HUWE1: variants seen among roughly 807,000 people sequenced by gnomAD.
HUWE1 encodes HECT, UBA and WWE domain containing E3 ubiquitin protein ligase 1.
A neutral mutation model predicts 299.4 loss-of-function variants in HUWE1; 18 were observed. The ratio of observed to expected loss-of-function variants is 0.06; its 90% CI spans 0.04 to 0.09. The LOEUF (loss-of-function observed/expected upper bound fraction) is 0.09, where lower values mean the gene tolerates loss of function less well. Ranked by LOEUF, HUWE1 falls within the 10% of genes least tolerant of loss-of-function variation. HUWE1 has a pLI of 1.00. For synonymous variants in HUWE1, 1,317 were observed against 1,286.1 expected, an observed-to-expected ratio of 1.02 and a Z score of -0.51; for missense variants, 1,832 against 3,462.3, an observed-to-expected ratio of 0.53 and a Z score of 11.82.
intron 36 of HUWE1, among the ~76,000 whole-genome samples, chrX:53,588,912 ACTTT>A (rs1467918264): frequency 2.7e-5 from 3 of 111,742 alleles, no homozygotes; most frequent in Non-Finnish European, 5.7e-5. Flanking sequence ...AGACACTAAA[ACTTT>A]CTGTGAAAAA....
intron 29 of HUWE1, among the ~76,000 whole-genome samples, chrX:53,596,428 C>G (rs1431383428): frequency 1.8e-5 from 2 of 112,249 alleles, no homozygotes; most frequent in Non-Finnish European, 3.8e-5. Context: ...AAAATATACA[C>G]AAATTATAAA....
At chrX:53,534,797 C>A (rs1360602816) in intron 81 of HUWE1, 100 bp from the exon 82 acceptor site, 3 of 711,484 alleles carry the variant, frequency 4.2e-6, no homozygotes, top group Non-Finnish European at 6.3e-6. Flanking sequence ...TTAGCTGGGA[C>A]TACAGGCATG....
intron 66 of HUWE1, among the ~76,000 whole-genome samples, chrX:53,549,774 T>C (rs1474271922): frequency 9.3e-6 from 1 of 107,552 alleles, no homozygotes; most frequent in Non-Finnish European, 1.9e-5. Context: ...TTTGTTGAGA[T>C]GGAGTCTCGC....
intron 71 of HUWE1, 77 bp from the exon 72 acceptor site, chrX:53,544,839 T>A: frequency 7.2e-6 from 7 of 971,738 alleles, no homozygotes; most frequent in Non-Finnish European, 1.0e-5. Flanking sequence ...GGCTTCCTGG[T>A]GTCAACCAGA....
Position 53,602,843 on chromosome X carries a change from CT to C in HUWE1, c.2877-186del, listed in dbSNP as rs1209240887. Among the ~76,000 whole-genome samples, 208 of 102,779 alleles carry C rather than the reference CT, an allele frequency of 2.0e-3. 1 individual carries two copies. The highest frequency in any genetic ancestry group is 6.9e-3 in the African/African-American group (195 of 28,150). The allele number at this position is 102,779 out of a possible 115,157, so 89.3% of individuals were successfully genotyped here. A position where few individuals can be genotyped will look rare whatever the true frequency, so the allele number is the denominator to read the frequency against. On this transcript the variant is annotated intron_variant, in intron 27 of 83. Coordinates refer to ENST00000262854, the MANE Select transcript of HUWE1 (RefSeq NM_031407.7). ...GTAGCACCCCACAAGCTTTCCAATTCTTTTTTTTTTCTTTTTTTTTTTTTGG... is the reference window on the plus strand; with the variant it reads ...GTAGCACCCCACAAGCTTTCCAATTCTTTTTTTTTCTTTTTTTTTTTTTGG...
intron 2 of HUWE1, chrX:53,684,035 C>A (rs375465098): frequency 1.0e-5 from 3 of 292,781 alleles, no homozygotes; most frequent in Non-Finnish European, 1.2e-5. Context: ...AGAACCTCTA[C>A]CGGACGGGAA....
intron 79 of HUWE1, 21 bp from the exon 80 acceptor site, chrX:53,536,273 A>G (rs2146869800): frequency 8.7e-7 from 1 of 1,153,180 alleles, no homozygotes. Flanking sequence ...ACAATTATAC[A>G]GGGTCATGGT....
At chrX:53,646,120 G>GT (rs2068023145) in intron 6 of HUWE1, among the ~76,000 whole-genome samples, 1 of 110,829 alleles carries the variant, frequency 9.0e-6, no homozygotes, top group African/African-American at 3.3e-5. Flanking sequence ...TTACAGTACA[G>GT]TATATGCTCA....
Position 53,631,414 on chromosome X carries a change from C to T in HUWE1, c.762G>A (p.Gln254=). The T allele has an allele frequency of 8.4e-7, 1 of 1,193,400 alleles. No homozygotes were observed. The highest frequency in any genetic ancestry group is 1.1e-6 in the Non-Finnish European group (1 of 879,367). Residue 254 remains glutamine (Q), a splice_region_variant and synonymous_variant, in exon 11 of 84, where the codon CAG becomes CAA. Coordinates refer to ENST00000262854, the MANE Select transcript of HUWE1 (RefSeq NM_031407.7). Reference sequence around the variant, plus strand: ...TGGATGTTTTAAAGCCACATCATACCTGCTTATCCTTAGGAATGCTGTACA... The same window carrying T: ...TGGATGTTTTAAAGCCACATCATACTTGCTTATCCTTAGGAATGCTGTACA... The part of the protein sequence containing the change: ...TKMYSIPKDK[Q]MLLFTHIRLA...
intron 18 of HUWE1, among the ~76,000 whole-genome samples, 171 bp downstream of exon 18, chrX:53,624,986 G>T (rs1264681598): frequency 1.8e-5 from 2 of 112,236 alleles, no homozygotes; most frequent in South Asian, 3.7e-4. Context: ...AAATAGCTAA[G>T]CAACACTTAC....
intron 3 of HUWE1, among the ~76,000 whole-genome samples, chrX:53,678,332 A>G (rs2069938255): frequency 8.9e-6 from 1 of 112,023 alleles, no homozygotes; most frequent in African/African-American, 3.2e-5. Context: ...AAGTTTTAAC[A>G]ACACCACCTA....
At chrX:53,628,377 G>A (rs2066658973) in intron 15 of HUWE1, 116 bp downstream of exon 15, 1 of 803,316 alleles carries the variant, frequency 1.2e-6, no homozygotes, top group Non-Finnish European at 1.8e-6. Flanking sequence ...AACTTTTTCT[G>A]GATAAGCTTT....
At chrX:53,551,535 G>A (rs1317288870) in intron 63 of HUWE1, 55 bp from the exon 64 acceptor site, 54 of 1,057,661 alleles carry the variant, frequency 5.1e-5, no homozygotes, top group Admixed American at 3.6e-4. Context: ...TGCTTGAGAC[G>A]GGGTCTTGGT....
intron 43 of HUWE1, among the ~76,000 whole-genome samples, chrX:53,578,504 G>A (rs1413622790): frequency 2.0e-5 from 2 of 98,193 alleles, no homozygotes; most frequent in Non-Finnish European, 4.2e-5. Context: ...CCCCCGGCCC[G>A]GCCAGCCGCC....
Position 53,551,253 on chromosome X carries a change from C to T in HUWE1, c.9096+13G>A, listed in dbSNP as rs1266825831. ...CCAGGCAGCCTGGCCCCACCACCTT[C>T]CCGCTCACATACTTCCTCCTGAATG... On this transcript the variant is annotated intron_variant, in intron 64 of 83. Coordinates refer to ENST00000262854, the MANE Select transcript of HUWE1 (RefSeq NM_031407.7). 6.6e-6 allele frequency: 8 copies of T among 1,208,809 alleles called. No individual in the cohort carries two copies. The highest frequency in any genetic ancestry group is 1.8e-5 in the African/African-American group (1 of 57,137).
chrX:53,553,628 G>A (rs2061867463), intron 61 of HUWE1, among the ~76,000 whole-genome samples: 2 of 106,695 alleles, frequency 1.9e-5, no homozygotes, highest in South Asian at 8.6e-4. Flanking sequence ...TGGCCAACAT[G>A]GCAAAACCTC....
rs181572115 is a variant in HUWE1, at chrX:53,600,950, C to T, written c.2972-641G>A. Among the ~76,000 whole-genome samples the T allele has an allele frequency of 2.2e-3, 248 of 110,828 alleles. 1 individual carries two copies. Among genetic ancestry groups the T allele is most frequent in the Non-Finnish European group, 3.9e-3 (208 of 52,964 alleles). ...CTTTGACAGTGAATCTAATTTCATT[C>T]TCAGTTCTTAGTCAATTTATTCTTT... On this transcript the variant is annotated intron_variant, in intron 28 of 83. Transcript: ENST00000262854.
At chrX:53,596,812 T>A (rs782504815) in intron 29 of HUWE1, among the ~76,000 whole-genome samples, 73 of 112,606 alleles carry the variant, frequency 6.5e-4, no homozygotes, top group African/African-American at 2.3e-3. Context: ...GGAAAAGTCA[T>A]GACACTTCAA....
intron 3 of HUWE1, among the ~76,000 whole-genome samples, chrX:53,658,352 C>T (rs2068845049): frequency 9.0e-6 from 1 of 111,467 alleles, no homozygotes; most frequent in Admixed American, 9.5e-5. Context: ...TATATGAATA[C>T]TGACAAACTG....
Sources: gnomAD v4.1 joint callset for allele counts (sites outside exome capture counted in the v4.1 genomes callset) on GRCh38, gnomAD v4.1.1 for gene constraint, MANE v1.5 for transcripts, NCBI Gene and HGNC (gene_info 2026-07-23, HGNC 2026-07-21) for gene names.